Variants in KLHDC1 observed in about 807,000 individuals in gnomAD.
The protein encoded by KLHDC1 is kelch domain containing 1, also known as kelch domain-containing protein 1.
KLHDC1 carries 53 observed loss-of-function variants against 68.3 expected under a neutral mutation model. That is an observed-to-expected ratio of 0.78 (90% CI 0.62 to 0.98). The LOEUF is 0.98. Among genes scored for constraint, KLHDC1 ranks in the 50% least tolerant of loss-of-function variants. The pLI, the probability that KLHDC1 is intolerant of heterozygous loss-of-function variation, is 0.00. For missense variants in KLHDC1, 470 were observed against 492.3 expected, an observed-to-expected ratio of 0.95 and a Z score of 0.43; for synonymous variants, 148 against 159.0, an observed-to-expected ratio of 0.93 and a Z score of 0.52.
chr14:49,705,714 C>A (rs938715409), intron 1 of KLHDC1, among the ~76,000 whole-genome samples: 2 of 152,064 alleles, frequency 1.3e-5, no homozygotes. Flanking sequence ...CTACTGGAAC[C>A]TAATGCCATT....
chr14:49,730,239 TTTG>T (rs1232893161), intron 8 of KLHDC1, among the ~76,000 whole-genome samples: 3 of 150,954 alleles, frequency 2.0e-5, no homozygotes, highest in Admixed American at 6.6e-5. Context: ...TTTTTTTTTT[TTTG>T]AGACAGAGTC....
At chr14:49,729,417 C>T in intron 7 of KLHDC1, 73 bp from the exon 8 acceptor site, 1 of 946,828 alleles carries the variant, frequency 1.1e-6, no homozygotes, top group South Asian at 1.4e-5. Flanking sequence ...TTAATCTGAA[C>T]TTACTTTAAA....
intron 12 of KLHDC1, among the ~76,000 whole-genome samples, chr14:49,749,744 T>G (rs1485083321): frequency 6.6e-6 from 1 of 150,782 alleles, no homozygotes; most frequent in East Asian, 1.9e-4. Flanking sequence ...ATATCTGCAA[T>G]TTGGGAATTT....
intron 8 of KLHDC1, 36 bp downstream of exon 8, chr14:49,729,584 G>T (rs1477062525): frequency 8.2e-6 from 11 of 1,336,624 alleles, no homozygotes; most frequent in Non-Finnish European, 1.1e-5. Flanking sequence ...TAATCTATAG[G>T]CATGTGTATG....
intron 4 of KLHDC1, among the ~76,000 whole-genome samples, chr14:49,711,139 C>A (rs1386020664): frequency 6.6e-6 from 1 of 152,084 alleles, no homozygotes; most frequent in African/African-American, 2.4e-5. Flanking sequence ...ATTACAGGTG[C>A]CTGCCACCAT....
chr14:49,708,436 C>A (rs1888116367), intron 1 of KLHDC1: 2 of 152,172 alleles, frequency 1.3e-5, no homozygotes, highest in Admixed American at 6.6e-5. Flanking sequence ...AGAACTATGG[C>A]AGATTTATGT....
At chr14:49,700,739 A>G (rs1887882187) in intron 1 of KLHDC1, among the ~76,000 whole-genome samples, 1 of 152,202 alleles carries the variant, frequency 6.6e-6, no homozygotes, top group African/African-American at 2.4e-5. Context: ...TACCATAATA[A>G]TTAGTTGACT....
chr14:49,743,353 T>G (rs1438182729), intron 11 of KLHDC1, among the ~76,000 whole-genome samples: 5 of 149,248 alleles, frequency 3.4e-5, no homozygotes, highest in Admixed American at 2.7e-4. Context: ...TGAGTGGAGA[T>G]TGCACCACTG....
chr14:49,727,622 A>G (rs766360604), intron 6 of KLHDC1, among the ~76,000 whole-genome samples: 16 of 152,118 alleles, frequency 1.1e-4, no homozygotes, highest in African/African-American at 3.4e-4. Flanking sequence ...GTACTCTTCT[A>G]TTCTCTTCTA....
intron 6 of KLHDC1, among the ~76,000 whole-genome samples, chr14:49,728,421 A>G (rs1402628834): frequency 1.3e-5 from 2 of 152,232 alleles, no homozygotes; most frequent in East Asian, 3.9e-4. Flanking sequence ...AGTTTTAGTA[A>G]GAGAGAGAGC....
chr14:49,709,731 G>A lies in KLHDC1; in HGVS notation c.190G>A (p.Glu64Lys), dbSNP rs566883090. 1 of 1,597,384 alleles carries A rather than the reference G, an allele frequency of 6.3e-7. No individual in the cohort carries two copies. The highest frequency in any genetic ancestry group is 8.5e-7 in the Non-Finnish European group (1 of 1,173,302). Residue 64 changes from glutamate (E) to lysine (K), a missense_variant, in exon 3 of 13, where the codon GAA becomes AAA. Glu to Lys is a moderately conservative substitution (Grantham distance 56). Coordinates refer to ENST00000359332, the MANE Select transcript of KLHDC1 (RefSeq NM_172193.3). ...GLWRMHLMEG[E>K]LPASMSGSCG... ...CAGGAGAATGCACCTCATGGAAGGA[G>A]AACTCCCAGCCTCCATGTCAGGAAG...
chr14:49,710,357 T>C lies in KLHDC1; in HGVS notation c.380T>C (p.Leu127Pro), dbSNP rs1325674919. 1.9e-6 allele frequency: 3 copies of C among 1,602,976 alleles called. No individual in the cohort carries two copies. The highest frequency in any genetic ancestry group is 1.7e-6 in the Non-Finnish European group (2 of 1,170,328). Residue 127 changes from leucine (L) to proline (P), a missense_variant, in exon 4 of 13, where the codon CTT becomes CCT. Physicochemically the swap from Leu to Pro is moderately conservative, Grantham distance 98. Coordinates refer to ENST00000359332, the MANE Select transcript of KLHDC1 (RefSeq NM_172193.3). ...EGQPPTPRDK[L>P]SCWVYKDRLI... ...CAACCACCTACACCACGTGATAAAC[T>C]TTCCTGCTGGGTATATAAAGACAGG...
At chr14:49,713,992 G>A (rs1209666566) in intron 4 of KLHDC1, among the ~76,000 whole-genome samples, 3 of 148,004 alleles carry the variant, frequency 2.0e-5, no homozygotes, top group Non-Finnish European at 3.0e-5. Context: ...GATTACAGGT[G>A]CACGCCACCA....
At chr14:49,743,072 C>CAA (rs55778725) in intron 11 of KLHDC1, among the ~76,000 whole-genome samples, 1,460 of 58,116 alleles carry the variant, frequency 0.025, 1 homozygote, top group Non-Finnish European at 0.033. Context: ...ACCCTGTCTC[C>CAA]AAAAAAAAAA....
intron 1 of KLHDC1, among the ~76,000 whole-genome samples, chr14:49,695,026 G>A (rs994525430): frequency 6.6e-6 from 1 of 152,060 alleles, no homozygotes; most frequent in African/African-American, 2.4e-5. Flanking sequence ...TGGAGTGGCT[G>A]TGGCAGTTTC....
At chr14:49,694,558 A>G (rs1367731683) in intron 1 of KLHDC1, among the ~76,000 whole-genome samples, 1 of 152,188 alleles carries the variant, frequency 6.6e-6, no homozygotes, top group African/African-American at 2.4e-5. Context: ...TGTAAAAAAA[A>G]AATGTACATA....
rs543936336 is a variant in KLHDC1, at chr14:49,707,225, G to A, written c.97-1934G>A. ...ATCTATTGAAAAGACTCAGACATGA[G>A]TGTAAGTTTAATTTCCTTGGAACTA... On this transcript the variant is annotated intron_variant, in intron 1 of 12. Coordinates refer to ENST00000359332, the MANE Select transcript of KLHDC1 (RefSeq NM_172193.3). 3.3e-5 allele frequency among the ~76,000 whole-genome samples: 5 copies of A among 151,524 alleles called. No homozygotes were observed. The South Asian group carries it at 8.4e-4, about 25-fold the overall frequency.
At chr14:49,746,910 A>G (rs1180488719) in intron 12 of KLHDC1, among the ~76,000 whole-genome samples, 1 of 151,502 alleles carries the variant, frequency 6.6e-6, no homozygotes, top group Non-Finnish European at 1.5e-5. Flanking sequence ...GGTTCTCCAA[A>G]TAATAAGACC....
intron 4 of KLHDC1, among the ~76,000 whole-genome samples, chr14:49,716,804 A>G (rs902196859): frequency 2.0e-5 from 3 of 152,202 alleles, no homozygotes; most frequent in African/African-American, 7.2e-5. Flanking sequence ...AACCATCACC[A>G]GTACCTACTT....
Sources: gnomAD v4.1 joint callset for allele counts (sites outside exome capture counted in the v4.1 genomes callset) on GRCh38, gnomAD v4.1.1 for gene constraint, MANE v1.5 for transcripts, NCBI Gene and HGNC (gene_info 2026-07-23, HGNC 2026-07-21) for gene names.